Variants in SDK1 observed in about 807,000 individuals in gnomAD.
SDK1 encodes protein sidekick-1.
Under a neutral mutation model 245.5 loss-of-function variants are expected in SDK1, and 157 were observed. That is an observed-to-expected ratio of 0.64 (90% confidence interval 0.56 to 0.73). The LOEUF is 0.73. SDK1 is among the 30% of genes least tolerant of loss of function. SDK1 has a pLI of 0.00. For synonymous variants in SDK1, 1,647 were observed against 1,278.5 expected, an observed-to-expected ratio of 1.29 and a Z score of -6.15; for missense variants, 3,583 against 3,002.3, an observed-to-expected ratio of 1.19 and a Z score of -4.52.
chr7:3,732,908 A>C (rs1458428803), intron 4 of SDK1, among the ~76,000 whole-genome samples: 1 of 152,134 alleles, frequency 6.6e-6, no homozygotes, highest in Non-Finnish European at 1.5e-5. Flanking sequence ...GTGGAGAATG[A>C]GTTTATCTTG....
At chr7:3,362,525 A>G (rs1780981411) in intron 1 of SDK1, among the ~76,000 whole-genome samples, 1 of 152,278 alleles carries the variant, frequency 6.6e-6, no homozygotes, top group Non-Finnish European at 1.5e-5. Context: ...TTTTTCCTAT[A>G]TCTTTACAAG....
chr7:3,978,272 A>G (rs764259092), intron 13 of SDK1, among the ~76,000 whole-genome samples: 6 of 152,162 alleles, frequency 3.9e-5, no homozygotes, highest in Admixed American at 3.9e-4. Context: ...CATACTTCCA[A>G]TATAGCCCAT....
chr7:3,806,290 A>T lies in SDK1; in HGVS notation c.714-15160A>T, dbSNP rs373157106. On this transcript the variant is annotated intron_variant, in intron 4 of 44. Coordinates refer to ENST00000404826, the MANE Select transcript of SDK1 (RefSeq NM_152744.4). Reference sequence around the variant, plus strand: ...GAGGTAACGTATCTCTAGGATGTGGATGTCCACATTAGGATGTGGATGTCC... The same window carrying T: ...GAGGTAACGTATCTCTAGGATGTGGTTGTCCACATTAGGATGTGGATGTCC... Among the ~76,000 whole-genome samples, 4 of 129,742 alleles carry T rather than the reference A, an allele frequency of 3.1e-5. No homozygotes were observed. The East Asian group carries it at 6.6e-4, about 21-fold the overall frequency. The allele number at this position is 129,742 out of a possible 152,430, so 85.1% of individuals were successfully genotyped here. A position where few individuals can be genotyped will look rare whatever the true frequency, so the allele number is the denominator to read the frequency against.
chr7:3,439,764 A>T lies in SDK1; in HGVS notation c.298+137880A>T, dbSNP rs538731770. On this transcript the variant is annotated intron_variant, in intron 1 of 44. Transcript: ENST00000404826. ...TGATTTAGCTTTATGATCATGATTT[A>T]AAGCCACCAGCTTTGTGGGAGGAAG... Among the ~76,000 whole-genome samples, 27 of 152,354 alleles carry T rather than the reference A, an allele frequency of 1.8e-4. No individual in the cohort carries two copies. The South Asian group carries it at 5.6e-3, about 32-fold the overall frequency.
chr7:4,035,244 C>G (rs1788130911), intron 17 of SDK1, among the ~76,000 whole-genome samples: 1 of 152,126 alleles, frequency 6.6e-6, no homozygotes, highest in Non-Finnish European at 1.5e-5. Context: ...CTTGGCCTCT[C>G]AAAGTGCTGG....
intron 1 of SDK1, among the ~76,000 whole-genome samples, chr7:3,376,328 C>A (rs945191076): frequency 1.3e-5 from 2 of 151,896 alleles, no homozygotes; most frequent in African/African-American, 4.8e-5. Flanking sequence ...ATATGCAATC[C>A]CCAAGCCATA....
intron 1 of SDK1, chr7:3,338,248 A>C (rs1780254656): frequency 1.1e-5 from 4 of 356,330 alleles, no homozygotes; most frequent in Non-Finnish European, 2.1e-5. Flanking sequence ...TATTGGAGAC[A>C]TCAAGGGAAT....
chr7:3,552,241 A>G (rs1035119080), intron 1 of SDK1, among the ~76,000 whole-genome samples: 3 of 152,030 alleles, frequency 2.0e-5, no homozygotes, highest in Admixed American at 6.5e-5. Flanking sequence ...GTTTCACTGT[A>G]TTAGCAAGGA....
At chr7:4,238,782 A>C (rs1786344790) in intron 42 of SDK1, among the ~76,000 whole-genome samples, 1 of 151,892 alleles carries the variant, frequency 6.6e-6, no homozygotes, top group South Asian at 2.1e-4. Flanking sequence ...ACCTCACCTC[A>C]GGTGATCCAC....
chr7:3,836,116 G>A (rs7794504), intron 5 of SDK1, among the ~76,000 whole-genome samples: 29,594 of 152,166 alleles, frequency 0.19, 3,052 homozygotes, highest in Middle Eastern at 0.36. Flanking sequence ...GGCCTCATTA[G>A]TCTCATGAGC....
chr7:3,360,274 A>G (rs1039696332), intron 1 of SDK1, among the ~76,000 whole-genome samples: 3 of 152,168 alleles, frequency 2.0e-5, no homozygotes, highest in East Asian at 1.9e-4. Flanking sequence ...TTGATAGACA[A>G]TCTGTTGAAT....
chr7:3,590,622 T>C (rs1780837110), intron 1 of SDK1, among the ~76,000 whole-genome samples: 1 of 152,174 alleles, frequency 6.6e-6, no homozygotes, highest in Admixed American at 6.5e-5. Context: ...ATTGCAAATT[T>C]CAAATAACTG....
At chr7:3,743,428 A>G (rs1022885114) in intron 4 of SDK1, among the ~76,000 whole-genome samples, 2 of 152,168 alleles carry the variant, frequency 1.3e-5, no homozygotes, top group African/African-American at 2.4e-5. Flanking sequence ...AGGCTTCTGT[A>G]TACAGAGCTA....
At position 3,309,370 on chromosome 7, in the gene SDK1, GT is replaced by G. The variant is rs34437244; in HGVS notation, c.298+7500del. Among the ~76,000 whole-genome samples the G allele has an allele frequency of 1.9e-3, 267 of 142,830 alleles. 1 individual carries two copies. The highest frequency in any genetic ancestry group is 3.7e-3 in the Middle Eastern group (1 of 272). 93.7% of individuals were successfully genotyped at this position (142,830 alleles called of 152,430 possible). A position where few individuals can be genotyped will look rare whatever the true frequency, so the allele number is the denominator to read the frequency against. On this transcript the variant is annotated intron_variant, in intron 1 of 44. Coordinates refer to ENST00000404826, the MANE Select transcript of SDK1 (RefSeq NM_152744.4). ...TATAATCTGTGGTTTCCACAGCCAA[GT>G]TTTTTTTTTTTTTCCTTCCATGATT...
At chr7:4,193,581 T>A (rs1783367366) in intron 35 of SDK1, among the ~76,000 whole-genome samples, 1 of 151,574 alleles carries the variant, frequency 6.6e-6, no homozygotes, top group African/African-American at 2.4e-5. Flanking sequence ...AGTTGCAGAG[T>A]CCCATTCTTT....
chr7:3,375,261 C>T (rs561273705), intron 1 of SDK1, among the ~76,000 whole-genome samples: 1 of 151,684 alleles, frequency 6.6e-6, no homozygotes, highest in Admixed American at 6.6e-5. Flanking sequence ...ATGTCACAAA[C>T]TTATGCTAAA....
chr7:3,729,946 C>T (rs960751167), intron 4 of SDK1, among the ~76,000 whole-genome samples: 6 of 151,610 alleles, frequency 4.0e-5, no homozygotes, highest in Admixed American at 3.3e-4. Context: ...TAACATATCT[C>T]GAGTAATTTT....
At chr7:3,355,858 T>G (rs68115111) in intron 1 of SDK1, among the ~76,000 whole-genome samples, 1 of 152,180 alleles carries the variant, frequency 6.6e-6, no homozygotes. Context: ...CTTTGCAGCA[T>G]GTCTGCAGTC....
At chr7:3,977,347 T>C (rs1237564797) in intron 13 of SDK1, among the ~76,000 whole-genome samples, 1 of 113,024 alleles carries the variant, frequency 8.8e-6, no homozygotes, top group Non-Finnish European at 2.0e-5. Context: ...AGAGAATCAC[T>C]GAGGGTCCCG....
Sources: gnomAD v4.1 joint callset for allele counts (sites outside exome capture counted in the v4.1 genomes callset) on GRCh38, gnomAD v4.1.1 for gene constraint, MANE v1.5 for transcripts, NCBI Gene and HGNC (gene_info 2026-07-23, HGNC 2026-07-21) for gene names.